The following SBF2 variants were observed in gnomAD, a reference collection of about 807,000 sequenced individuals.
SBF2 encodes the protein myotubularin-related protein 13.
Under a neutral mutation model 225.2 loss-of-function variants are expected in SBF2, and 112 were observed. The ratio of observed to expected loss-of-function variants is 0.50; its 90% CI spans 0.43 to 0.58. SBF2 has a LOEUF of 0.58. Among genes scored for constraint, SBF2 ranks in the 20% least tolerant of loss-of-function variants. The pLI, the probability that SBF2 is intolerant of heterozygous loss-of-function variation, is 0.00. For synonymous variants in SBF2, 763 were observed against 773.3 expected (o/e 0.99, Z 0.22); for missense variants, 1,996 against 2,206.2 (o/e 0.90, Z 1.91).
At chr11:10,282,732 C>T (rs893076934) in intron 1 of SBF2, among the ~76,000 whole-genome samples, 6 of 152,120 alleles carry the variant, frequency 3.9e-5, no homozygotes, top group African/African-American at 1.2e-4. Context: ...ACTGGTCTTT[C>T]TCCCTTCAGT....
chr11:10,030,096 C>A (rs780606016), intron 4 of SBF2, among the ~76,000 whole-genome samples: 6 of 152,100 alleles, frequency 3.9e-5, no homozygotes, highest in Non-Finnish European at 7.4e-5. Context: ...AAGCAGAAAT[C>A]CATAATTTGT....
intron 7 of SBF2, among the ~76,000 whole-genome samples, 194 bp from the exon 8 acceptor site, chr11:10,001,216 G>C (rs1358891223): frequency 6.6e-6 from 1 of 151,998 alleles, no homozygotes; most frequent in Non-Finnish European, 1.5e-5. Flanking sequence ...TCAGATATAA[G>C]ACATAAAATA....
In SBF2 at chr11:10,006,149, C is replaced by T. The variant is rs541837254; in HGVS notation, c.620-3460G>A. Among the ~76,000 whole-genome samples the T allele has an allele frequency of 2.0e-5, 3 of 152,340 alleles. No homozygotes were observed. The East Asian group carries it at 5.8e-4, about 29-fold the overall frequency. ...GTATGTATTCTGAAATGGCCTTGTA[C>T]ACCCTCCGGACCGTCCACCTCGAGG... is the stretch of plus-strand genomic sequence containing the variant. On this transcript the variant is annotated intron_variant, in intron 6 of 39. Transcript: ENST00000256190.
intron 16 of SBF2, among the ~76,000 whole-genome samples, chr11:9,916,070 C>T (rs1312650075): frequency 6.6e-6 from 1 of 152,068 alleles, no homozygotes; most frequent in Non-Finnish European, 1.5e-5. Context: ...TCTCCAAAAA[C>T]AGACAAACAA....
intron 2 of SBF2, among the ~76,000 whole-genome samples, chr11:10,166,990 A>ACACACACACACACACACACACACACAC (rs1282714502): frequency 1.8e-4 from 27 of 146,076 alleles, no homozygotes; most frequent in East Asian, 8.0e-4. Flanking sequence ...CACACACACA[A>ACACACACACACACACACACACACACAC]AAAGGCTACT....
chr11:10,168,339 G>T (rs16907533), intron 2 of SBF2, among the ~76,000 whole-genome samples: 1 of 152,038 alleles, frequency 6.6e-6, no homozygotes, highest in African/African-American at 2.4e-5. Context: ...AATGAGCAAC[G>T]ACCAAAAAAG....
chr11:9,942,185 A>T (rs1174863917), intron 16 of SBF2, among the ~76,000 whole-genome samples: 1 of 152,108 alleles, frequency 6.6e-6, no homozygotes, highest in Non-Finnish European at 1.5e-5. Context: ...CTCCCATCTC[A>T]GCCTCTCATG....
At chr11:10,071,411 C>T (rs193226226) in intron 2 of SBF2, among the ~76,000 whole-genome samples, 3 of 151,846 alleles carry the variant, frequency 2.0e-5, no homozygotes, top group Admixed American at 6.6e-5. Context: ...GGACTACAAG[C>T]GCCCGCAACC....
intron 6 of SBF2, among the ~76,000 whole-genome samples, chr11:10,008,071 C>T (rs1010715134): frequency 3.3e-5 from 5 of 152,230 alleles, no homozygotes; most frequent in African/African-American, 7.2e-5. Context: ...ATGACTGACC[C>T]GGGTGGCTAC....
intron 31 of SBF2, chr11:9,808,452 T>G: frequency 1.9e-6 from 1 of 524,494 alleles, no homozygotes; most frequent in Non-Finnish European, 3.4e-6. Context: ...ACAGCAACCT[T>G]TTCCTAAGTT....
At chr11:9,792,274 T>C (rs1245895369) in intron 33 of SBF2, among the ~76,000 whole-genome samples, 5 of 151,664 alleles carry the variant, frequency 3.3e-5, no homozygotes, top group African/African-American at 1.2e-4. Flanking sequence ...CTACTAAAGA[T>C]ACAAAAATCA....
intron 2 of SBF2, among the ~76,000 whole-genome samples, chr11:10,188,130 GA>G (rs1957011915): frequency 6.6e-6 from 1 of 152,148 alleles, no homozygotes; most frequent in African/African-American, 2.4e-5. Flanking sequence ...GACAGCAAAT[GA>G]AGACTCACTG....
At chr11:9,989,271 A>C (rs1446323313) in intron 13 of SBF2, among the ~76,000 whole-genome samples, 1 of 152,050 alleles carries the variant, frequency 6.6e-6, no homozygotes, top group Non-Finnish European at 1.5e-5. Flanking sequence ...AGAATGATAC[A>C]ATAAATTTTG....
Position 9,780,146 on chromosome 11 carries a change from C to G in SBF2, c.*272G>C. 1 of 455,352 alleles carries G rather than the reference C, an allele frequency of 2.2e-6. No individual in the cohort carries two copies. Among genetic ancestry groups the G allele is most frequent in the South Asian group, 2.1e-5 (1 of 46,980 alleles). 28.2% of individuals were successfully genotyped at this position (455,352 alleles called of 1,614,324 possible). A position where few individuals can be genotyped will look rare whatever the true frequency, so the allele number is the denominator to read the frequency against. ...TTGCCTGGGTGAGGTTCACAGTTGG[C>G]TCAGGAGACATCTTCTGATCATTAA... On this transcript the variant is annotated 3_prime_UTR_variant, in exon 40 of 40. Coordinates refer to ENST00000256190, the MANE Select transcript of SBF2 (RefSeq NM_030962.4).
At chr11:9,882,283 T>C (rs1159000516) in intron 17 of SBF2, among the ~76,000 whole-genome samples, 1 of 152,212 alleles carries the variant, frequency 6.6e-6, no homozygotes, top group Non-Finnish European at 1.5e-5. Flanking sequence ...TGTACTTTTG[T>C]TGTTTTTAGA....
At position 9,850,087 on chromosome 11, in the gene SBF2, T is replaced by C. The variant is rs2133981778; in HGVS notation, c.2742A>G (p.Ala914=). 1.2e-6 allele frequency: 2 copies of C among 1,614,174 alleles called. No homozygotes were observed. The highest frequency in any genetic ancestry group is 1.7e-6 in the Non-Finnish European group (2 of 1,180,010). Residue 914 remains alanine, a synonymous_variant, in exon 22 of 40, where the codon GCA becomes GCG. Transcript: ENST00000256190. Reference sequence around the variant, plus strand: ...ATGTGGTGAGGAACAAGGCTCCTTCTGCTGGCAGGAGCTGAGGGCCTCCAA... The same window carrying C: ...ATGTGGTGAGGAACAAGGCTCCTTCCGCTGGCAGGAGCTGAGGGCCTCCAA... ...GLLGGPQLLP[A]EGALFLTTYR...
chr11:10,261,030 T>C (rs1195466638), intron 1 of SBF2, among the ~76,000 whole-genome samples: 2 of 152,114 alleles, frequency 1.3e-5, no homozygotes, highest in Non-Finnish European at 2.9e-5. Context: ...GAACAGACCC[T>C]TCACCAAAGA....
At chr11:9,916,873 C>A (rs1339510255) in intron 16 of SBF2, among the ~76,000 whole-genome samples, 1 of 148,208 alleles carries the variant, frequency 6.7e-6, no homozygotes, top group Admixed American at 6.6e-5. Context: ...AGCAAATTAC[C>A]ATGCCTGACC....
chr11:9,935,293 C>T lies in SBF2; in HGVS notation c.1860+26664G>A, dbSNP rs9668146. ...AGAGGAACTAGAAACCATTGCTCAA[C>T]GAAATAAAAGAGGACACAAAGAAAT... On this transcript the variant is annotated intron_variant, in intron 16 of 39. Coordinates refer to ENST00000256190, the MANE Select transcript of SBF2 (RefSeq NM_030962.4). 5.9e-5 allele frequency among the ~76,000 whole-genome samples: 9 copies of T among 152,028 alleles called. No individual in the cohort carries two copies. The East Asian group carries it at 9.7e-4, about 16-fold the overall frequency.
Sources: gnomAD v4.1 joint callset for allele counts (sites outside exome capture counted in the v4.1 genomes callset) on GRCh38, gnomAD v4.1.1 for gene constraint, MANE v1.5 for transcripts, NCBI Gene and HGNC (gene_info 2026-07-23, HGNC 2026-07-21) for gene names.